DCBLD1: variants seen among roughly 807,000 people sequenced by gnomAD.
DCBLD1 encodes discoidin, CUB and LCCL domain containing 1.
A neutral mutation model predicts 71.5 loss-of-function variants in DCBLD1; 57 were observed. That is an observed-to-expected ratio of 0.80 (90% CI 0.64 to 0.99). DCBLD1 has a LOEUF of 0.99. DCBLD1 is among the 50% of genes least tolerant of loss of function. The probability of loss-of-function intolerance (pLI) is 0.00; values close to 1 mark genes in which losing one functional copy is unlikely to be tolerated. For synonymous variants in DCBLD1, 380 were observed against 363.8 expected (o/e 1.04, Z -0.51); for missense variants, 891 against 923.5 (o/e 0.96, Z 0.46).
chr6:117,500,087 A>G (rs1397070666), intron 1 of DCBLD1, among the ~76,000 whole-genome samples: 1 of 152,232 alleles, frequency 6.6e-6, no homozygotes, highest in Non-Finnish European at 1.5e-5. Flanking sequence ...AACACATGAC[A>G]TTGTAGGCAT....
chr6:117,495,236 G>A (rs1478401327), intron 1 of DCBLD1, among the ~76,000 whole-genome samples: 1 of 152,144 alleles, frequency 6.6e-6, no homozygotes, highest in Non-Finnish European at 1.5e-5. Flanking sequence ...GTTATGGTTG[G>A]TAATTTTACA....
In DCBLD1 at chr6:117,525,388, A is replaced by G; in HGVS notation, c.539A>G (p.Asp180Gly). The G allele has an allele frequency of 6.6e-7, 1 of 1,509,396 alleles. No homozygotes were observed. The highest frequency in any genetic ancestry group is 1.4e-5 in the South Asian group (1 of 69,232). The allele number at this position is 1,509,396 out of a possible 1,614,324, so 93.5% of individuals were successfully genotyped here. The change falls in exon 5 of 15, where the codon GAC becomes GGC. Residue 180 changes from aspartate (D) to glycine (G), a missense_variant. Transcript: ENST00000338728. ...YSKFCPAGCR[D>G]VAGDISGNMV... is the part of the protein sequence containing the mutation. ...AAATTCTGCCCAGCTGGTTGTAGAG[A>G]CGTAGCAGGAGACATTTCTGGGAAT...
chr6:117,555,628 G>A (rs1262921181), intron 14 of DCBLD1, among the ~76,000 whole-genome samples: 1 of 152,254 alleles, frequency 6.6e-6, no homozygotes, highest in East Asian at 1.9e-4. Flanking sequence ...TAGTCTTGAC[G>A]ATCTAGAATT....
chr6:117,547,980 G>T lies in DCBLD1; in HGVS notation c.1689G>T (p.Thr563=), dbSNP rs1276234975. ...RKGSTFRPMD[T]DAEEAGVSTD... is the part of the protein sequence containing the mutation. ...GCTCCACCTTCCGGCCCATGGACAC[G>T]GATGCCGAGGAGGCAGGGGTGAGCA... Residue 563 remains threonine (T), a synonymous_variant, in exon 15 of 15, where the codon ACG becomes ACT. Coordinates refer to ENST00000338728, the MANE Select transcript of DCBLD1 (RefSeq NM_001366458.2). 2 of 1,550,468 alleles carry T rather than the reference G, an allele frequency of 1.3e-6. No homozygotes were observed. Among genetic ancestry groups the T allele is most frequent in the African/African-American group, 2.7e-5 (2 of 73,066 alleles).
In DCBLD1 at chr6:117,549,300, C is replaced by G. The variant is rs576696856; in HGVS notation, c.*861C>G. The G allele has an allele frequency of 1.0e-6, 1 of 985,362 alleles. No homozygotes were observed. The highest frequency in any genetic ancestry group is 1.1e-4 in the East Asian group (1 of 8,808). The allele number at this position is 985,362 out of a possible 1,614,324, so 61.0% of individuals were successfully genotyped here. On this transcript the variant is annotated 3_prime_UTR_variant, in exon 15 of 15. Transcript: ENST00000338728. ...AGAAGTAGCACATTTTCGTGACTTC[C>G]GCTGTCCTCTGAAAAACAAAGTTAT...
At chr6:117,540,087 A>G (rs956385460) in intron 9 of DCBLD1, 1 of 151,438 alleles carries the variant, frequency 6.6e-6, no homozygotes, top group Non-Finnish European at 1.5e-5. Flanking sequence ...AAAGAAAAAG[A>G]AAAAAAGAAA....
chr6:117,564,775 G>T (rs578008218), intron 14 of DCBLD1, among the ~76,000 whole-genome samples: 258 of 152,166 alleles, frequency 1.7e-3, no homozygotes, highest in Non-Finnish European at 2.8e-3. Flanking sequence ...GAAATACAAT[G>T]AAACCATATG....
In DCBLD1 at chr6:117,548,292, G is replaced by C; in HGVS notation, c.2001G>C (p.Arg667=). The change falls in exon 15 of 15, where the codon CGG becomes CGC. Residue 667 remains arginine (R), a synonymous_variant. Transcript: ENST00000338728. The part of the protein sequence containing the change: ...SAQPADRGYD[R]PKAVSALATE... Reference sequence around the variant, plus strand: ...AGCCTGCGGACAGGGGCTACGACCGGCCCAAAGCTGTCAGCGCCCTCGCCA... The same window carrying C: ...AGCCTGCGGACAGGGGCTACGACCGCCCCAAAGCTGTCAGCGCCCTCGCCA... The C allele has an allele frequency of 6.4e-7, 1 of 1,550,624 alleles. No homozygotes were observed. Among genetic ancestry groups the C allele is most frequent in the East Asian group, 2.4e-5 (1 of 40,908 alleles).
chr6:117,560,557 A>G (rs1779564890), intron 14 of DCBLD1: 1 of 193,576 alleles, frequency 5.2e-6, no homozygotes, highest in Non-Finnish European at 1.1e-5. Flanking sequence ...TGCAGTGGGG[A>G]AAAAAACAGC....
chr6:117,544,924 G>A lies in DCBLD1; in HGVS notation c.1495+347G>A, dbSNP rs1214149628. 2.0e-5 allele frequency among the ~76,000 whole-genome samples: 3 copies of A among 150,964 alleles called. No homozygotes were observed. The East Asian group carries it at 6.0e-4, about 30-fold the overall frequency. ...GTGTTGTTAGCATCTGCAGGCCTGT[G>A]CTGTACTTTCCACCCTGAGAAAGTG... On this transcript the variant is annotated intron_variant, in intron 13 of 14. Transcript: ENST00000338728.
At chr6:117,522,940 T>C (rs1002057712) in intron 4 of DCBLD1, among the ~76,000 whole-genome samples, 15 of 152,190 alleles carry the variant, frequency 9.9e-5, no homozygotes, top group Admixed American at 2.0e-4. Flanking sequence ...TCTCAGACAT[T>C]TGGACATTCT....
intron 14 of DCBLD1, among the ~76,000 whole-genome samples, chr6:117,557,890 C>T (rs1419396044): frequency 6.6e-6 from 1 of 152,232 alleles, no homozygotes; most frequent in Non-Finnish European, 1.5e-5. Context: ...AGGCCCAGCA[C>T]ATCTCCCATC....
At chr6:117,541,485 A>G (rs1382697955) in intron 11 of DCBLD1, among the ~76,000 whole-genome samples, 1 of 152,240 alleles carries the variant, frequency 6.6e-6, no homozygotes, top group Non-Finnish European at 1.5e-5. Flanking sequence ...AAAAATTTCA[A>G]GAAAACATAA....
chr6:117,543,475 CA>C (rs768757359), intron 12 of DCBLD1, among the ~76,000 whole-genome samples: 169 of 152,288 alleles, frequency 1.1e-3, no homozygotes, highest in Non-Finnish European at 2.0e-3. Flanking sequence ...TGGGCTCAAG[CA>C]AACCCCCTGC....
At chr6:117,520,063 T>C (rs1177174742) in intron 3 of DCBLD1, 113 bp downstream of exon 3, 2 of 1,503,080 alleles carry the variant, frequency 1.3e-6, no homozygotes, top group African/African-American at 1.4e-5. Context: ...AATTAAGATA[T>C]GAGGGAGAAG....
chr6:117,513,938 G>A (rs1778107162), intron 2 of DCBLD1, among the ~76,000 whole-genome samples: 2 of 152,126 alleles, frequency 1.3e-5, no homozygotes, highest in South Asian at 2.1e-4. Context: ...AGTATATCAC[G>A]TGGGCAGGGG....
chr6:117,517,257 C>T (rs1423419548), intron 2 of DCBLD1, among the ~76,000 whole-genome samples: 1 of 152,214 alleles, frequency 6.6e-6, no homozygotes, highest in African/African-American at 2.4e-5. Context: ...GTCTGAAATC[C>T]AGTGGGGCAG....
At chr6:117,522,004 AT>A (rs1014356446) in intron 4 of DCBLD1, among the ~76,000 whole-genome samples, 2 of 151,910 alleles carry the variant, frequency 1.3e-5, no homozygotes, top group East Asian at 3.9e-4. Flanking sequence ...TCTAGACTGT[AT>A]TTTTTTTCCT....
chr6:117,504,079 A>G (rs1474255162), intron 2 of DCBLD1, 100 bp downstream of exon 2: 1 of 1,305,362 alleles, frequency 7.7e-7, no homozygotes, highest in East Asian at 2.4e-5. Context: ...TGAGAAGATT[A>G]GAAGAGAAAC....
Sources: allele counts gnomAD v4.1 joint callset (sites outside exome capture counted in the v4.1 genomes callset), GRCh38; gene constraint gnomAD v4.1.1; transcripts MANE v1.5; gene names NCBI Gene and HGNC (gene_info 2026-07-23, HGNC 2026-07-21).